The following ENOSF1 variants were observed in gnomAD, a reference collection of about 807,000 sequenced individuals.
ENOSF1 encodes enolase superfamily member 1, also known as mitochondrial enolase superfamily member 1.
In ENOSF1, 73 loss-of-function variants were observed where a neutral mutation model predicts 68.2. That is an observed-to-expected ratio of 1.07 (90% CI 0.89 to 1.30). The LOEUF (loss-of-function observed/expected upper bound fraction) is 1.30, where lower values mean the gene tolerates loss of function less well. Among genes scored for constraint, ENOSF1 ranks in the 50% most tolerant of loss-of-function variants. The pLI, the probability that ENOSF1 is intolerant of heterozygous loss-of-function variation, is 0.00. For missense variants in ENOSF1, 589 were observed against 554.5 expected, an observed-to-expected ratio of 1.06 and a Z score of -0.62; for synonymous variants, 223 against 210.4, an observed-to-expected ratio of 1.06 and a Z score of -0.52.
intron 2 of ENOSF1, among the ~76,000 whole-genome samples, chr18:702,179 G>A (rs2078424795): frequency 6.8e-6 from 1 of 146,216 alleles, no homozygotes; most frequent in Non-Finnish European, 1.5e-5. Context: ...CAGGAGAATC[G>A]CTTGAACCTG....
intron 7 of ENOSF1, 56 bp from the exon 8 acceptor site, chr18:690,687 G>T (rs1299448002): frequency 8.3e-7 from 1 of 1,206,632 alleles, no homozygotes; most frequent in South Asian, 1.5e-5. Context: ...TTCGGAATTG[G>T]AAGTGCCTGT....
intron 2 of ENOSF1, among the ~76,000 whole-genome samples, chr18:706,168 G>T (rs1485753263): frequency 6.6e-6 from 1 of 152,080 alleles, no homozygotes; most frequent in Non-Finnish European, 1.5e-5. Flanking sequence ...CGGGTGAAAG[G>T]CAGGTGAAAA....
intron 9 of ENOSF1, chr18:688,167 CA>C (rs113399783): frequency 2.4e-3 from 347 of 145,720 alleles, no homozygotes; most frequent in South Asian, 6.8e-3. Flanking sequence ...AACTTCATCT[CA>C]AAAAAAAAAA....
intron 2 of ENOSF1, among the ~76,000 whole-genome samples, chr18:701,654 G>A (rs1489454308): frequency 2.0e-5 from 3 of 151,892 alleles, no homozygotes; most frequent in African/African-American, 7.3e-5. Context: ...CTACTGGAGA[G>A]GCTGAGGCAG....
chr18:699,016 T>C (rs2078043699), intron 2 of ENOSF1, among the ~76,000 whole-genome samples: 1 of 152,104 alleles, frequency 6.6e-6, no homozygotes, highest in South Asian at 2.1e-4. Flanking sequence ...ACCAGCTAAT[T>C]TTTAAATTTT....
At chr18:679,690 C>T (rs1038509112) in intron 11 of ENOSF1, among the ~76,000 whole-genome samples, 1 of 152,068 alleles carries the variant, frequency 6.6e-6, no homozygotes, top group Non-Finnish European at 1.5e-5. Flanking sequence ...TGCACCTGAA[C>T]ACAGCCCTGC....
intron 2 of ENOSF1, among the ~76,000 whole-genome samples, chr18:701,167 ATTCTT>A (rs1294592601): frequency 6.6e-6 from 1 of 152,164 alleles, no homozygotes; most frequent in Non-Finnish European, 1.5e-5. Context: ...CTATTTAAAA[ATTCTT>A]TCTTTGTACA....
At chr18:688,646 G>A in intron 8 of ENOSF1, 38 bp from the exon 9 acceptor site, 3 of 1,590,866 alleles carry the variant, frequency 1.9e-6, no homozygotes, top group Non-Finnish European at 2.6e-6. Flanking sequence ...ACTGGAGAGA[G>A]CCCCTTGGTC....
chr18:700,122 G>A (rs1412798603), intron 2 of ENOSF1, among the ~76,000 whole-genome samples: 2 of 152,214 alleles, frequency 1.3e-5, no homozygotes, highest in East Asian at 1.9e-4. Context: ...TTTAGCACAT[G>A]CCTGGCTAAG....
At chr18:694,402 T>C in intron 3 of ENOSF1, 68 bp from the exon 4 acceptor site, 1 of 1,455,538 alleles carries the variant, frequency 6.9e-7, no homozygotes, top group Non-Finnish European at 9.5e-7. Flanking sequence ...TGATGGCTCA[T>C]GCCTGTAAAC....
At chr18:684,909 G>T (rs2076470992) in intron 10 of ENOSF1, among the ~76,000 whole-genome samples, 2 of 152,016 alleles carry the variant, frequency 1.3e-5, no homozygotes, top group Non-Finnish European at 2.9e-5. Flanking sequence ...TGCCCATGCT[G>T]GAGTGCAGTG....
downstream of ENOSF1, among the ~76,000 whole-genome samples, chr18:667,529 AGATGGTGATGGTGATGGT>A (rs1332006193): frequency 2.3e-3 from 39 of 16,954 alleles, 10 homozygotes; most frequent in East Asian, 0.03. Context: ...ATGGTGATGG[AGATGGTGATGGTGATGGT>A]GATGGAGATG....
chr18:682,250 G>T (rs1309414484), intron 11 of ENOSF1, among the ~76,000 whole-genome samples: 2 of 152,088 alleles, frequency 1.3e-5, no homozygotes, highest in Non-Finnish European at 2.9e-5. Context: ...AGATGGTAGA[G>T]ACTACTACAC....
chr18:673,193 T>C lies in ENOSF1; in HGVS notation c.*1112A>G, dbSNP rs2075147441. ...CAGTTCTTTCCATAATAAAAGGCTTTGAGTTAACTCACTGAGGGTATCTGA... is the reference window on the plus strand; with the variant it reads ...CAGTTCTTTCCATAATAAAAGGCTTCGAGTTAACTCACTGAGGGTATCTGA... On this transcript the variant is annotated 3_prime_UTR_variant, in exon 16 of 16. Transcript: ENST00000647584. The C allele has an allele frequency of 1.4e-5, 7 of 491,706 alleles. No individual in the cohort carries two copies. The South Asian group carries it at 4.1e-4, about 29-fold the overall frequency. The allele number at this position is 491,706 out of a possible 1,614,324, so 30.5% of individuals were successfully genotyped here. A position where few individuals can be genotyped will look rare whatever the true frequency, so the allele number is the denominator to read the frequency against.
chr18:693,975 A>G, intron 4 of ENOSF1, 67 bp from the exon 5 acceptor site: 1 of 1,515,034 alleles, frequency 6.6e-7, no homozygotes, highest in Non-Finnish European at 8.8e-7. Context: ...CTGACAGTAA[A>G]CGCGTTGGCA....
At chr18:664,125 G>A in the ENOSF1 span, among the ~76,000 whole-genome samples, 184 of 151,006 alleles carry the variant, frequency 1.2e-3, 3 homozygotes, top group African/African-American at 4.1e-3. Flanking sequence ...CCATTTTCAC[G>A]ATATTGATTC....
chr18:708,086 C>T (rs1392231210), intron 1 of ENOSF1, among the ~76,000 whole-genome samples: 1 of 151,234 alleles, frequency 6.6e-6, no homozygotes, highest in Admixed American at 6.6e-5. Context: ...GTCTTGAACT[C>T]CTGACCTCAG....
chr18:669,365 GATT>G, downstream of ENOSF1: 5 of 340,436 alleles, frequency 1.5e-5, no homozygotes, highest in East Asian at 4.1e-5. Flanking sequence ...GGGCCCAGAG[GATT>G]TTTTTTTTTT....
intron 5 of ENOSF1, chr18:692,827 A>G (rs897503966): frequency 1.2e-5 from 13 of 1,051,164 alleles, no homozygotes; most frequent in Non-Finnish European, 6.9e-6. Flanking sequence ...ATGGCCCGGA[A>G]GCCACTCTCC....
Sources: gnomAD v4.1 joint callset for allele counts (sites outside exome capture counted in the v4.1 genomes callset) on GRCh38, gnomAD v4.1.1 for gene constraint, MANE v1.5 for transcripts, NCBI Gene and HGNC (gene_info 2026-07-23, HGNC 2026-07-21) for gene names.